JAZF1: variants seen among roughly 807,000 people sequenced by gnomAD.
The protein encoded by JAZF1 is juxtaposed with another zinc finger protein 1.
In JAZF1, 8 loss-of-function variants were observed where a neutral mutation model predicts 26.4. The observed-to-expected ratio is 0.30, with a 90% CI of 0.18 to 0.55. JAZF1 has a LOEUF of 0.55. Among genes scored for constraint, JAZF1 ranks in the 20% least tolerant of loss-of-function variants. JAZF1 has a pLI of 0.94. For synonymous variants in JAZF1, 126 were observed against 122.3 expected, an observed-to-expected ratio of 1.03 and a Z score of -0.20; for missense variants, 199 against 322.0, an observed-to-expected ratio of 0.62 and a Z score of 2.92.
chr7:28,004,343 A>C (rs1334829196), intron 1 of JAZF1, among the ~76,000 whole-genome samples: 2 of 151,880 alleles, frequency 1.3e-5, no homozygotes, highest in Non-Finnish European at 2.9e-5. Context: ...AATCAACAAG[A>C]GCCTAGAGGG....
At chr7:27,967,027 G>C (rs974239463) in intron 2 of JAZF1, among the ~76,000 whole-genome samples, 1 of 152,184 alleles carries the variant, frequency 6.6e-6, no homozygotes, top group Non-Finnish European at 1.5e-5. Context: ...CAAGAGATCT[G>C]AAAAGGCCCA....
At chr7:28,020,503 G>C in intron 1 of JAZF1, 1 of 466,358 alleles carries the variant, frequency 2.1e-6, no homozygotes, top group Non-Finnish European at 4.4e-6. Context: ...ATGACCCCTA[G>C]GACTGATCCC....
chr7:27,858,871 T>C (rs921872789), intron 3 of JAZF1, among the ~76,000 whole-genome samples: 1 of 152,036 alleles, frequency 6.6e-6, no homozygotes, highest in African/African-American at 2.4e-5. Context: ...AAAGCCAAAA[T>C]AGACAAATGG....
chr7:28,137,099 C>T (rs1782897401), intron 1 of JAZF1, among the ~76,000 whole-genome samples: 1 of 152,292 alleles, frequency 6.6e-6, no homozygotes, highest in African/African-American at 2.4e-5. Flanking sequence ...AGCAGTGACT[C>T]GTGTGAAGTT....
chr7:28,093,212 T>A (rs151161060), intron 1 of JAZF1, among the ~76,000 whole-genome samples: 125 of 152,278 alleles, frequency 8.2e-4, no homozygotes, highest in African/African-American at 2.7e-3. Flanking sequence ...TCCCACATGT[T>A]GTGGGAGGGA....
intron 1 of JAZF1, among the ~76,000 whole-genome samples, chr7:28,110,498 G>GAAAAGGAAAAGGA (rs371217428): frequency 5.3e-5 from 2 of 37,712 alleles, no homozygotes; most frequent in Non-Finnish European, 1.1e-4. Context: ...GAAAGGAAAG[G>GAAAAGGAAAAGGA]AAAGGAAAAG....
At chr7:28,079,262 G>A (rs545695817) in intron 1 of JAZF1, among the ~76,000 whole-genome samples, 6 of 152,098 alleles carry the variant, frequency 3.9e-5, no homozygotes, top group Admixed American at 6.5e-5. Context: ...CAAAGTGTTA[G>A]GATTACAGGT....
At chr7:28,020,803 A>T in intron 1 of JAZF1, 1 of 414,466 alleles carries the variant, frequency 2.4e-6, no homozygotes, top group Non-Finnish European at 4.9e-6. Context: ...CTTCTTTAGG[A>T]GAATTACCAA....
At chr7:28,094,606 C>T (rs1784353705) in intron 1 of JAZF1, among the ~76,000 whole-genome samples, 2 of 152,228 alleles carry the variant, frequency 1.3e-5, no homozygotes, top group Admixed American at 6.5e-5. Flanking sequence ...TACAGGAATG[C>T]CATGGGGGAA....
At chr7:28,029,613 AAAT>A (rs1426497414) in intron 1 of JAZF1, among the ~76,000 whole-genome samples, 2 of 152,260 alleles carry the variant, frequency 1.3e-5, no homozygotes, top group African/African-American at 2.4e-5. Flanking sequence ...AATTCTTAGG[AAAT>A]AATGTTTTCG....
intron 1 of JAZF1, among the ~76,000 whole-genome samples, chr7:28,056,870 A>C (rs1217635665): frequency 6.6e-6 from 1 of 152,214 alleles, no homozygotes. Context: ...GCATCTCTTA[A>C]ACTGAGGGCT....
At chr7:28,053,886 C>T (rs934155265) in intron 1 of JAZF1, among the ~76,000 whole-genome samples, 11 of 152,044 alleles carry the variant, frequency 7.2e-5, no homozygotes, top group Non-Finnish European at 1.3e-4. Context: ...CCTCACACCC[C>T]GAGCAGCTCT....
chr7:28,131,108 T>C (rs1220502941), intron 1 of JAZF1, among the ~76,000 whole-genome samples: 1 of 152,226 alleles, frequency 6.6e-6, no homozygotes, highest in Non-Finnish European at 1.5e-5. Flanking sequence ...TCAGAGATTC[T>C]GGAGCTTTTA....
chr7:28,069,881 G>A (rs1327502317), intron 1 of JAZF1, among the ~76,000 whole-genome samples: 1 of 152,124 alleles, frequency 6.6e-6, no homozygotes, highest in Admixed American at 6.5e-5. Flanking sequence ...AGAAGTCCCT[G>A]TCATCCCGGT....
intron 2 of JAZF1, among the ~76,000 whole-genome samples, chr7:27,966,058 T>C (rs888961828): frequency 3.9e-5 from 6 of 152,216 alleles, no homozygotes; most frequent in Admixed American, 3.9e-4. Context: ...TTGCAGAATA[T>C]GGTAATGTAA....
chr7:28,072,020 C>T (rs1009977608), intron 1 of JAZF1, among the ~76,000 whole-genome samples: 4 of 152,124 alleles, frequency 2.6e-5, no homozygotes, highest in African/African-American at 4.8e-5. Context: ...GTCTGGGAGA[C>T]GTGTCTGAAT....
At chr7:27,965,812 C>A (rs1785265635) in intron 2 of JAZF1, among the ~76,000 whole-genome samples, 1 of 152,200 alleles carries the variant, frequency 6.6e-6, no homozygotes, top group Non-Finnish European at 1.5e-5. Flanking sequence ...TCCTGCACAT[C>A]TTGTTTCAAT....
At chr7:28,018,203 T>C (rs1157707641) in intron 1 of JAZF1, among the ~76,000 whole-genome samples, 7 of 152,190 alleles carry the variant, frequency 4.6e-5, no homozygotes, top group East Asian at 1.9e-4. Context: ...GCAAGGATAC[T>C]GAGAAACAGC....
intron 1 of JAZF1, among the ~76,000 whole-genome samples, chr7:27,998,368 A>G (rs900472505): frequency 2.6e-5 from 4 of 152,190 alleles, no homozygotes; most frequent in East Asian, 3.8e-4. Flanking sequence ...CCCACTTTGA[A>G]GACTGAATTT....
Sources: gnomAD v4.1 joint callset for allele counts (sites outside exome capture counted in the v4.1 genomes callset) on GRCh38, gnomAD v4.1.1 for gene constraint, MANE v1.5 for transcripts, NCBI Gene and HGNC (gene_info 2026-07-23, HGNC 2026-07-21) for gene names.